Variants in TP63 observed in about 807,000 individuals in gnomAD.
The protein encoded by TP63 is tumor protein p63.
A neutral mutation model predicts 82.8 loss-of-function variants in TP63; 17 were observed. The observed-to-expected ratio is 0.21, with a 90% CI of 0.14 to 0.31. TP63 has a LOEUF of 0.31. Among genes scored for constraint, TP63 ranks in the 10% least tolerant of loss-of-function variants. TP63 has a pLI of 1.00. For missense variants in TP63, 648 were observed against 895.3 expected (o/e 0.72, Z 3.52); for synonymous variants, 330 against 321.7 (o/e 1.03, Z -0.28).
chr3:189,621,171 G>A, the TP63 span, among the ~76,000 whole-genome samples: 1 of 152,080 alleles, frequency 6.6e-6, no homozygotes, highest in Non-Finnish European at 1.5e-5. Context: ...AAAGTATAAA[G>A]AAGAAAATAT....
intron 1 of TP63, among the ~76,000 whole-genome samples, chr3:189,717,029 C>A (rs775501431): frequency 4.7e-4 from 71 of 152,314 alleles, no homozygotes; most frequent in Non-Finnish European, 7.2e-4. Flanking sequence ...AACTCCCAAC[C>A]TCAGGTGATC....
the TP63 span, among the ~76,000 whole-genome samples, chr3:189,605,945 C>A: frequency 1.3e-5 from 2 of 152,138 alleles, no homozygotes; most frequent in African/African-American, 4.8e-5. Flanking sequence ...AAAATACTGA[C>A]CCAATGTAAG....
At chr3:189,617,614 C>A in the TP63 span, among the ~76,000 whole-genome samples, 1 of 152,146 alleles carries the variant, frequency 6.6e-6, no homozygotes, top group African/African-American at 2.4e-5. Flanking sequence ...ACTCTACTTA[C>A]CCCGTTCAAC....
At chr3:189,792,896 A>G (rs1725303554) in intron 3 of TP63, among the ~76,000 whole-genome samples, 1 of 152,032 alleles carries the variant, frequency 6.6e-6, no homozygotes, top group African/African-American at 2.4e-5. Context: ...TCTAGGGAAA[A>G]AAATCTGTCC....
At chr3:189,757,234 C>T (rs73055268) in intron 3 of TP63, among the ~76,000 whole-genome samples, 4,450 of 152,240 alleles carry the variant, frequency 0.029, 221 homozygotes, top group African/African-American at 0.1. Flanking sequence ...AAAACCAGGG[C>T]TACACCCAAC....
At chr3:189,725,919 C>A (rs1719742801) in intron 1 of TP63, among the ~76,000 whole-genome samples, 1 of 152,074 alleles carries the variant, frequency 6.6e-6, no homozygotes, top group South Asian at 2.1e-4. Context: ...GCTGGGCGTG[C>A]TGGCACGCAC....
intron 5 of TP63, 142 bp from the exon 6 acceptor site, chr3:189,866,540 T>C: frequency 1.4e-6 from 1 of 726,034 alleles, no homozygotes; most frequent in South Asian, 1.7e-5. Flanking sequence ...CTATGGGATC[T>C]GTTCGTTTCT....
the TP63 span, among the ~76,000 whole-genome samples, chr3:189,608,735 T>C: frequency 6.6e-6 from 1 of 152,104 alleles, no homozygotes; most frequent in Non-Finnish European, 1.5e-5. Context: ...TTCAGCAATA[T>C]CATAATTTAT....
intron 1 of TP63, among the ~76,000 whole-genome samples, chr3:189,638,034 T>C (rs934138599): frequency 1.4e-4 from 22 of 152,024 alleles, no homozygotes; most frequent in African/African-American, 4.8e-4. Flanking sequence ...TCTCCTACAG[T>C]CTCCAAAAGC....
chr3:189,864,514 C>A (rs1233720617), intron 5 of TP63, 96 bp downstream of exon 5: 8 of 919,166 alleles, frequency 8.7e-6, no homozygotes, highest in East Asian at 3.2e-5. Context: ...ATTCAGACTT[C>A]TGCACTCCGA....
At chr3:189,616,776 G>A in the TP63 span, among the ~76,000 whole-genome samples, 1 of 152,180 alleles carries the variant, frequency 6.6e-6, no homozygotes, top group African/African-American at 2.4e-5. Context: ...AGTTTTCATT[G>A]CTTCCATGAG....
chr3:189,737,910 T>C, intron 2 of TP63, 42 bp downstream of exon 2: 2 of 1,612,410 alleles, frequency 1.2e-6, no homozygotes, highest in East Asian at 2.2e-5. Context: ...TTGAGCTAAA[T>C]AGGTAAATGT....
At chr3:189,877,866 C>T (rs996119187) in intron 10 of TP63, among the ~76,000 whole-genome samples, 2 of 152,078 alleles carry the variant, frequency 1.3e-5, no homozygotes, top group African/African-American at 4.8e-5. Flanking sequence ...CATCTATTTC[C>T]ATTTTTCTGT....
chr3:189,787,757 G>A (rs760689101), intron 3 of TP63, among the ~76,000 whole-genome samples: 1 of 152,010 alleles, frequency 6.6e-6, no homozygotes, highest in Non-Finnish European at 1.5e-5. Context: ...AATGACTTTG[G>A]TAGGCAGTTG....
At chr3:189,783,647 A>G (rs1268227740) in intron 3 of TP63, among the ~76,000 whole-genome samples, 1 of 151,954 alleles carries the variant, frequency 6.6e-6, no homozygotes, top group Non-Finnish European at 1.5e-5. Flanking sequence ...CCCTCAACAG[A>G]GCAGGGATTG....
At chr3:189,770,397 T>C (rs906509610) in intron 3 of TP63, among the ~76,000 whole-genome samples, 7 of 152,062 alleles carry the variant, frequency 4.6e-5, no homozygotes, top group African/African-American at 1.7e-4. Context: ...AAACCCCGTC[T>C]CTACTAAAAA....
At chr3:189,754,818 TATC>T (rs1021306403) in intron 3 of TP63, among the ~76,000 whole-genome samples, 2 of 152,128 alleles carry the variant, frequency 1.3e-5, no homozygotes, top group Non-Finnish European at 2.9e-5. Flanking sequence ...ACACTGCCAT[TATC>T]ATCCTCCTTT....
At chr3:189,670,978 A>T (rs779788763) in intron 1 of TP63, among the ~76,000 whole-genome samples, 8 of 152,094 alleles carry the variant, frequency 5.3e-5, no homozygotes, top group Non-Finnish European at 1.0e-4. Flanking sequence ...CTAGGCAAAG[A>T]TTTCATAGGT....
intron 4 of TP63, among the ~76,000 whole-genome samples, chr3:189,813,413 A>G (rs560884472): frequency 6.6e-6 from 1 of 152,054 alleles, no homozygotes; most frequent in South Asian, 2.1e-4. Context: ...CTGGTAAGGA[A>G]CCCCACTTGT....
Sources: gnomAD v4.1 joint callset for allele counts (sites outside exome capture counted in the v4.1 genomes callset) on GRCh38, gnomAD v4.1.1 for gene constraint, MANE v1.5 for transcripts, NCBI Gene and HGNC (gene_info 2026-07-23, HGNC 2026-07-21) for gene names.